The following TNRC6A variants were observed in gnomAD, a reference collection of about 807,000 sequenced individuals.
TNRC6A encodes the protein trinucleotide repeat containing adaptor 6A.
TNRC6A carries 44 observed loss-of-function variants against 221.2 expected under a neutral mutation model. The observed-to-expected ratio is 0.20, with a 90% CI of 0.16 to 0.26. TNRC6A has a LOEUF of 0.26. Among genes scored for constraint, TNRC6A ranks in the 10% least tolerant of loss-of-function variants. The pLI is 1.00. For synonymous variants in TNRC6A, 847 were observed against 838.5 expected, an observed-to-expected ratio of 1.01 and a Z score of -0.18; for missense variants, 2,199 against 2,404.4, an observed-to-expected ratio of 0.91 and a Z score of 1.79.
chr16:24,807,814 A>G (rs1051794075), intron 17 of TNRC6A, among the ~76,000 whole-genome samples: 1 of 151,876 alleles, frequency 6.6e-6, no homozygotes, highest in Admixed American at 6.6e-5. Context: ...CTTTTCCTAT[A>G]CAGTGGTTTC....
intron 2 of TNRC6A, among the ~76,000 whole-genome samples, chr16:24,674,001 C>A (rs1387702269): frequency 6.6e-6 from 1 of 152,190 alleles, no homozygotes; most frequent in East Asian, 1.9e-4. Flanking sequence ...AGATACCATC[C>A]AAAACATTTC....
At chr16:24,754,091 A>G (rs2057195040) in intron 3 of TNRC6A, among the ~76,000 whole-genome samples, 1 of 152,198 alleles carries the variant, frequency 6.6e-6, no homozygotes, top group Non-Finnish European at 1.5e-5. Context: ...AATAGGGTAT[A>G]AAATAGGTTC....
rs190834053 is a variant in TNRC6A at position 24,746,005 on chromosome 16, C to T, written c.54-4721C>T. 1.6e-3 allele frequency among the ~76,000 whole-genome samples: 247 copies of T among 152,156 alleles called. 2 individuals are homozygous for T. Among genetic ancestry groups the T allele is most frequent in the African/African-American group, 5.7e-3 (236 of 41,518 alleles). On this transcript the variant is annotated intron_variant, in intron 2 of 24. Coordinates refer to ENST00000395799, the MANE Select transcript of TNRC6A (RefSeq NM_014494.4). ...TTTTCAATTCCAGTCAGTGCTGGTC[C>T]CTGCAATTGTCATGCTGACAAGTCT...
chr16:24,804,902 A>G (rs930990288), intron 13 of TNRC6A, 51 bp downstream of exon 13: 3 of 1,613,514 alleles, frequency 1.9e-6, no homozygotes, highest in Non-Finnish European at 2.5e-6. Context: ...TTGTATTAGT[A>G]ATAAGATCTC....
At chr16:24,615,017 A>G (rs1357614842) in intron 1 of TNRC6A, among the ~76,000 whole-genome samples, 2 of 152,126 alleles carry the variant, frequency 1.3e-5, no homozygotes, top group African/African-American at 4.8e-5. Flanking sequence ...GTGAGCTGAG[A>G]TCTCCCCACT....
At chr16:24,730,398 T>C in intron 2 of TNRC6A, 98 bp downstream of exon 2, 1 of 1,420,464 alleles carries the variant, frequency 7.0e-7, no homozygotes, top group Non-Finnish European at 9.6e-7. Flanking sequence ...CGTGACATTT[T>C]CTTCCGCACC....
At position 24,643,079 on chromosome 16, in the gene TNRC6A, TTA is replaced by T. The variant is rs1491514204; in HGVS notation, n.402+2082_402+2083del. Among the ~76,000 whole-genome samples the T allele has an allele frequency of 5.8e-3, 719 of 124,464 alleles. 5 individuals are homozygous for T. The highest frequency in any genetic ancestry group is 0.018 in the African/African-American group (654 of 35,364). The allele number at this position is 124,464 out of a possible 152,430, so 81.7% of individuals were successfully genotyped here. A position where few individuals can be genotyped will look rare whatever the true frequency, so the allele number is the denominator to read the frequency against. On this transcript the variant is annotated intron_variant and non_coding_transcript_variant, in intron 2 of 2. Transcript: ENST00000566108. ...ATATAACATATATATTATATATATA[TTA>T]TATATATATATTTTATATATATATA...
intron 22 of TNRC6A, 143 bp from the exon 23 acceptor site, chr16:24,821,934 A>T: frequency 1.3e-6 from 1 of 762,834 alleles, no homozygotes; most frequent in Non-Finnish European, 2.2e-6. Context: ...GGGCGAGCTG[A>T]AATTCTGGGC....
At chr16:24,803,060 T>C (rs1200864739) in intron 11 of TNRC6A, among the ~76,000 whole-genome samples, 1 of 152,120 alleles carries the variant, frequency 6.6e-6, no homozygotes, top group Admixed American at 6.6e-5. Context: ...CTGTCTGGTG[T>C]CCAGTTTCCT....
chr16:24,806,538 C>T, intron 16 of TNRC6A, 36 bp from the exon 17 acceptor site: 1 of 1,609,270 alleles, frequency 6.2e-7, no homozygotes, highest in South Asian at 1.1e-5. Flanking sequence ...GACGTTTTCC[C>T]CCAGTAATTT....
At position 24,804,705 on chromosome 16, in the gene TNRC6A, G is replaced by T. The variant is rs143716235; in HGVS notation, c.3838G>T (p.Asp1280Tyr). The T allele has an allele frequency of 6.3e-7, 1 of 1,584,394 alleles. No individual in the cohort carries two copies. Among genetic ancestry groups the T allele is most frequent in the Admixed American group, 2.0e-5 (1 of 49,820 alleles). Residue 1280 changes from aspartate to tyrosine, a missense_variant and splice_region_variant, in exon 13 of 25, where the codon GAT becomes TAT. By Grantham distance (160) the Asp-to-Tyr change is radical. Transcript: ENST00000395799. ...CACATCTTTCTGTCTGTCCAATCAGGATGGCATTGTAGCAGATGAATCCCA... is the reference window on the plus strand; with the variant it reads ...CACATCTTTCTGTCTGTCCAATCAGTATGGCATTGTAGCAGATGAATCCCA... ...SMERNPYFDK[D>Y]GIVADESQNM...
intron 2 of TNRC6A, among the ~76,000 whole-genome samples, chr16:24,737,860 C>T (rs1026240527): frequency 5.3e-5 from 8 of 152,094 alleles, no homozygotes; most frequent in East Asian, 3.8e-4. Flanking sequence ...TGTGCACAGA[C>T]GGGAGAGAAT....
At chr16:24,733,396 TAAA>T (rs1283318170) in intron 2 of TNRC6A, among the ~76,000 whole-genome samples, 1 of 152,204 alleles carries the variant, frequency 6.6e-6, no homozygotes, top group Non-Finnish European at 1.5e-5. Context: ...GCACAAATAA[TAAA>T]TTTAGTTTAC....
chr16:24,765,891 C>T (rs537052994), intron 4 of TNRC6A, among the ~76,000 whole-genome samples: 1 of 152,156 alleles, frequency 6.6e-6, no homozygotes, highest in South Asian at 2.1e-4. Context: ...CTCAGGGAGG[C>T]TATGAAGAAT....
chr16:24,797,635 A>T, intron 10 of TNRC6A, 65 bp downstream of exon 10: 1 of 1,307,432 alleles, frequency 7.6e-7, no homozygotes, highest in Non-Finnish European at 1.1e-6. Flanking sequence ...TCTTGATTTC[A>T]CTCTTTTTAA....
chr16:24,769,329 A>G (rs115454927), intron 4 of TNRC6A, among the ~76,000 whole-genome samples: 2,155 of 152,156 alleles, frequency 0.014, 68 homozygotes, highest in African/African-American at 0.05. Context: ...AACACAGACT[A>G]GGAAAAGGTA....
chr16:24,712,907 C>CTGTGTGTGTGTGTGTATGTGTG lies in TNRC6A; in HGVS notation n.403-37804_403-37803insATGTGTGTGTGTGTGTGTGTGT, dbSNP rs1252970472. Among the ~76,000 whole-genome samples, 31 of 126,776 alleles carry CTGTGTGTGTGTGTGTATGTGTG rather than the reference C, an allele frequency of 2.4e-4. 2 individuals carry two copies. In the South Asian group the frequency reaches 7.4e-3, roughly 30 times the overall value. The allele number at this position is 126,776 out of a possible 152,430, so 83.2% of individuals were successfully genotyped here. Reference sequence around the variant, plus strand: ...AATTTGGGGCCATAGTTATGTGCCACTGTGTGTGTGTGTGTGTGTGTGTGT... The same window carrying CTGTGTGTGTGTGTGTATGTGTG: ...AATTTGGGGCCATAGTTATGTGCCACTGTGTGTGTGTGTGTATGTGTGTGTGTGTGTGTGTGTGTGTGTGTGT... On this transcript the variant is annotated intron_variant and non_coding_transcript_variant, in intron 2 of 2. Coordinates refer to the TNRC6A transcript ENST00000566108.
rs546785574 is a variant in TNRC6A, at chr16:24,712,230, T to A, written n.403-38496T>A. 1.3e-4 allele frequency among the ~76,000 whole-genome samples: 19 copies of A among 151,172 alleles called. No individual in the cohort carries two copies. In the South Asian group the frequency reaches 2.3e-3, roughly 18 times the overall value. ...GTGCAGTAGCATGATCATAGACCACTGCAACCTCAAGCGATCCTCCTGCCT... is the reference window on the plus strand; with the variant it reads ...GTGCAGTAGCATGATCATAGACCACAGCAACCTCAAGCGATCCTCCTGCCT... On this transcript the variant is annotated intron_variant and non_coding_transcript_variant, in intron 2 of 2. Coordinates refer to the TNRC6A transcript ENST00000566108.
At chr16:24,690,813 T>TC (rs1353778745) in intron 2 of TNRC6A, among the ~76,000 whole-genome samples, 1 of 102,130 alleles carries the variant, frequency 9.8e-6, no homozygotes, top group African/African-American at 3.1e-5. Flanking sequence ...TTTCTTTCTT[T>TC]TTTTTTTTTT....
Sources: gnomAD v4.1 joint callset for allele counts (sites outside exome capture counted in the v4.1 genomes callset) on GRCh38, gnomAD v4.1.1 for gene constraint, MANE v1.5 for transcripts, NCBI Gene and HGNC (gene_info 2026-07-23, HGNC 2026-07-21) for gene names.